AFTPH: variants seen among roughly 807,000 people sequenced by gnomAD.
The protein encoded by AFTPH is aftiphilin protein.
Under a neutral mutation model 72.5 loss-of-function variants are expected in AFTPH, and 7 were observed. The observed-to-expected ratio is 0.10, with a 90% CI of 0.05 to 0.18. The LOEUF is 0.18. AFTPH is among the 10% of genes least tolerant of loss of function. The pLI is 1.00. For synonymous variants in AFTPH, 337 were observed against 370.1 expected (o/e 0.91, Z 1.03); for missense variants, 979 against 1,060.5 (o/e 0.92, Z 1.07).
intron 2 of AFTPH, among the ~76,000 whole-genome samples, chr2:64,562,408 C>G (rs982991638): frequency 6.7e-6 from 1 of 149,988 alleles, no homozygotes; most frequent in African/African-American, 2.5e-5. Context: ...ACTGGAAATT[C>G]AAGAAAAAGA....
intron 1 of AFTPH, among the ~76,000 whole-genome samples, chr2:64,531,387 A>G (rs1241802522): frequency 1.3e-5 from 2 of 152,240 alleles, no homozygotes; most frequent in East Asian, 3.8e-4. Flanking sequence ...GATCAGTAAT[A>G]TGCAGTTTTT....
chr2:64,545,784 G>A (rs1419016762), intron 1 of AFTPH, among the ~76,000 whole-genome samples: 1 of 151,908 alleles, frequency 6.6e-6, no homozygotes, highest in Non-Finnish European at 1.5e-5. Flanking sequence ...AGGTGGAGTG[G>A]GGGCAGTTCT....
At chr2:64,539,304 G>A (rs1670074947) in intron 1 of AFTPH, among the ~76,000 whole-genome samples, 1 of 152,136 alleles carries the variant, frequency 6.6e-6, no homozygotes, top group Admixed American at 6.5e-5. Context: ...CTGAGGAATT[G>A]TCTCAAATCA....
chr2:64,587,754 A>C (rs1673597490), intron 8 of AFTPH, among the ~76,000 whole-genome samples: 2 of 152,230 alleles, frequency 1.3e-5, no homozygotes, highest in Non-Finnish European at 2.9e-5. Flanking sequence ...CAAGTTGTGA[A>C]AGTGACTTCT....
chr2:64,562,480 G>A (rs1671801820), intron 2 of AFTPH, among the ~76,000 whole-genome samples: 1 of 151,958 alleles, frequency 6.6e-6, no homozygotes, highest in African/African-American at 2.4e-5. Context: ...CTGCTTTGAT[G>A]ACAACATAAT....
chr2:64,571,696 TTTTG>T (rs2104088867), intron 5 of AFTPH, among the ~76,000 whole-genome samples: 1 of 152,300 alleles, frequency 6.6e-6, no homozygotes, highest in South Asian at 2.1e-4. Flanking sequence ...GAGGTTTTGT[TTTTG>T]TTTTTGTTTT....
chr2:64,572,869 CTTCT>C, intron 5 of AFTPH, 73 bp from the exon 6 acceptor site: 1 of 1,546,910 alleles, frequency 6.5e-7, no homozygotes, highest in South Asian at 1.2e-5. Flanking sequence ...TTTTTACCTT[CTTCT>C]TTCTGATAGA....
rs1215257432 is a variant in AFTPH, at chr2:64,553,412, A to G, written c.1935+3A>G. On this transcript the variant is annotated splice_donor_region_variant and intron_variant, in intron 2 of 8. Transcript: ENST00000238856. ...AGGAATCAGCCACTTCAGTTCAGGT[A>G]TTTACTAATTTTCTCTATTTTGTAT... 6.4e-7 allele frequency: 1 copy of G among 1,550,802 alleles called. No individual in the cohort carries two copies. Among genetic ancestry groups the G allele is most frequent in the Non-Finnish European group, 8.7e-7 (1 of 1,154,286 alleles).
At chr2:64,541,701 A>G (rs1405200421) in intron 1 of AFTPH, among the ~76,000 whole-genome samples, 1 of 152,186 alleles carries the variant, frequency 6.6e-6, no homozygotes, top group African/African-American at 2.4e-5. Flanking sequence ...AATTTGAACT[A>G]CTGTACACCA....
At chr2:64,588,749 T>C (rs2104260852) in intron 8 of AFTPH, among the ~76,000 whole-genome samples, 1 of 152,256 alleles carries the variant, frequency 6.6e-6, no homozygotes, top group South Asian at 2.1e-4. Context: ...TCCTTTGCCT[T>C]TTTTGTTTTT....
At chr2:64,572,251 G>C (rs1472681590) in intron 5 of AFTPH, among the ~76,000 whole-genome samples, 3 of 147,928 alleles carry the variant, frequency 2.0e-5, no homozygotes, top group Non-Finnish European at 4.5e-5. Context: ...TATTAGATTT[G>C]TAACAAACCC....
At chr2:64,577,361 G>C (rs10180097) in intron 6 of AFTPH, among the ~76,000 whole-genome samples, 2 of 151,828 alleles carry the variant, frequency 1.3e-5, no homozygotes, top group African/African-American at 4.8e-5. Flanking sequence ...TTTCATTTCC[G>C]TTAAATGTCG....
intron 1 of AFTPH, among the ~76,000 whole-genome samples, chr2:64,542,112 G>A (rs564628529): frequency 6.6e-6 from 1 of 152,288 alleles, no homozygotes; most frequent in Admixed American, 6.5e-5. Flanking sequence ...CAGCTGGGCT[G>A]GTACCCTGTA....
intron 8 of AFTPH, among the ~76,000 whole-genome samples, chr2:64,590,968 A>G (rs1673793036): frequency 6.6e-6 from 1 of 152,210 alleles, no homozygotes; most frequent in African/African-American, 2.4e-5. Context: ...CATAAAAGAG[A>G]ATTATTAGGC....
At chr2:64,552,286 A>G (rs1260531599) in exon 2 of AFTPH, 5 of 1,614,134 alleles carry the variant, frequency 3.1e-6, no homozygotes, top group Admixed American at 3.3e-5. Context: ...AATAGAGTCA[A>G]TGAACTGAAT....
chr2:64,564,062 A>G (rs72890704), intron 2 of AFTPH, among the ~76,000 whole-genome samples: 4,418 of 152,308 alleles, frequency 0.029, 172 homozygotes, highest in East Asian at 0.11. Flanking sequence ...TTTATATAAG[A>G]GACTCTTAAA....
chr2:64,572,885 T>C, intron 5 of AFTPH, 61 bp from the exon 6 acceptor site: 1 of 1,575,998 alleles, frequency 6.3e-7, no homozygotes, highest in East Asian at 2.2e-5. Context: ...TCTGATAGAT[T>C]AACTTAAGTT....
chr2:64,531,893 T>C (rs1669649491), intron 1 of AFTPH, among the ~76,000 whole-genome samples: 1 of 152,202 alleles, frequency 6.6e-6, no homozygotes, highest in African/African-American at 2.4e-5. Flanking sequence ...ACACTTTTTA[T>C]TTAGAGAAAA....
At position 64,592,030 on chromosome 2, in the gene AFTPH, G is replaced by T. The variant is rs747445384; in HGVS notation, c.2725G>T (p.Gly909Ter). Residue 909 changes from glycine (G) to a stop codon, truncating the protein, a stop_gained, in exon 9 of 9, where the codon GGA becomes TGA. Transcript: ENST00000238856. LOFTEE classifies it high-confidence loss of function. ...CACAAGCTCTCAAGAAAAAGCAGAC[G>T]GATAACTGATGTGAATTGGACAGTT... is the stretch of plus-strand genomic sequence containing the variant. 2.5e-6 allele frequency: 4 copies of T among 1,612,410 alleles called. No homozygotes were observed. In the South Asian group the frequency reaches 4.4e-5, roughly 18 times the overall value.
Sources: gnomAD v4.1 joint callset for allele counts (sites outside exome capture counted in the v4.1 genomes callset) on GRCh38, gnomAD v4.1.1 for gene constraint, MANE v1.5 for transcripts, NCBI Gene and HGNC (gene_info 2026-07-23, HGNC 2026-07-21) for gene names.